The following FAM193A variants were observed in gnomAD, a reference collection of about 807,000 sequenced individuals.
FAM193A encodes protein FAM193A.
In FAM193A, 22 loss-of-function variants were observed where a neutral mutation model predicts 126.5. The ratio of observed to expected loss-of-function variants is 0.17; its 90% confidence interval spans 0.12 to 0.25. FAM193A has a LOEUF of 0.25. FAM193A is among the 10% of genes least tolerant of loss of function. The pLI is 1.00. For missense variants in FAM193A, 1,675 were observed against 1,672.8 expected (o/e 1.00, Z -0.02); for synonymous variants, 761 against 646.8 (o/e 1.18, Z -2.68).
chr4:2,575,148 G>A (rs1017447661), intron 1 of FAM193A, among the ~76,000 whole-genome samples: 1 of 152,142 alleles, frequency 6.6e-6, no homozygotes, highest in Non-Finnish European at 1.5e-5. Context: ...GCTTCAGGGC[G>A]AAGGTGGCCG....
chr4:2,536,056 G>A (rs887496645), upstream of FAM193A, among the ~76,000 whole-genome samples: 1 of 152,040 alleles, frequency 6.6e-6, no homozygotes, highest in African/African-American at 2.4e-5. Flanking sequence ...ACTAGCCCAA[G>A]GTCACCGGGC....
At chr4:2,706,644 C>A (rs1718342196) in intron 19 of FAM193A, among the ~76,000 whole-genome samples, 1 of 151,590 alleles carries the variant, frequency 6.6e-6, no homozygotes, top group African/African-American at 2.4e-5. Context: ...TCTGGAATTT[C>A]TCTTCCTTTC....
chr4:2,705,685 G>A (rs1718223485), intron 19 of FAM193A, among the ~76,000 whole-genome samples: 1 of 151,900 alleles, frequency 6.6e-6, no homozygotes, highest in Non-Finnish European at 1.5e-5. Context: ...GAACTCCTGG[G>A]CTCAAGTGAT....
In FAM193A at chr4:2,549,618, G is replaced by A. The variant is rs1194765539; in HGVS notation, c.255+12448G>A. Among the ~76,000 whole-genome samples the A allele has an allele frequency of 3.0e-3, 450 of 150,458 alleles. 1 individual carries two copies. Among genetic ancestry groups the A allele is most frequent in the African/African-American group, 0.01 (424 of 41,020 alleles). On this transcript the variant is annotated intron_variant, in intron 1 of 20. Coordinates refer to ENST00000637812, the MANE Select transcript of FAM193A (RefSeq NM_001366318.2). ...TCACCGTTTTAGCCAGGATGGTCTC[G>A]ATCTCCTGACCTCGTGATCCGCCCG...
intron 2 of FAM193A, chr4:2,607,893 T>C (rs1393849980): frequency 2.2e-6 from 2 of 905,412 alleles, no homozygotes; most frequent in Non-Finnish European, 3.3e-6. Flanking sequence ...ATTGCCTGTT[T>C]CTTTTTTGTC....
intron 1 of FAM193A, among the ~76,000 whole-genome samples, chr4:2,540,265 C>G (rs980932891): frequency 6.6e-6 from 1 of 151,838 alleles, no homozygotes; most frequent in African/African-American, 2.4e-5. Flanking sequence ...GTCAGGAGAT[C>G]GAGACCATCC....
intron 18 of FAM193A, 67 bp from the exon 19 acceptor site, chr4:2,699,612 GT>G (rs935086291): frequency 6.8e-7 from 1 of 1,476,104 alleles, no homozygotes; most frequent in African/African-American, 1.4e-5. Context: ...AATTATCTTA[GT>G]TTTTCTGTAT....
chr4:2,641,034 T>C (rs546273461), intron 6 of FAM193A, among the ~76,000 whole-genome samples: 1 of 152,046 alleles, frequency 6.6e-6, no homozygotes, highest in South Asian at 2.1e-4. Context: ...ACACCAGTTA[T>C]TGCTATTTTA....
rs189536573 is a variant in FAM193A at position 2,566,140 on chromosome 4, T to C, written c.255+28970T>C. Among the ~76,000 whole-genome samples, 1,303 of 152,100 alleles carry C rather than the reference T, an allele frequency of 8.6e-3. 16 individuals are homozygous for C. Among genetic ancestry groups the C allele is most frequent in the African/African-American group, 0.03 (1,246 of 41,454 alleles). On this transcript the variant is annotated intron_variant, in intron 1 of 20. Transcript: ENST00000637812. ...TTGGCTGACTGCAAGCTCTGCCTTC[T>C]GGGTTCACGCCATTCTGCTGCCTCA...
rs903348619 is a variant in FAM193A at position 2,590,488 on chromosome 4, A to C, written c.256-5596A>C. On this transcript the variant is annotated intron_variant, in intron 1 of 20. Transcript: ENST00000637812. ...CAAAAAAAAAAAACAAAAAAAAACAAAAAAAAACAAAAAAAAACAAAAAAA... is the reference window on the plus strand; with the variant it reads ...CAAAAAAAAAAAACAAAAAAAAACACAAAAAAACAAAAAAAAACAAAAAAA... Among the ~76,000 whole-genome samples the C allele has an allele frequency of 8.6e-3, 648 of 74,926 alleles. 90 individuals carry two copies. Among genetic ancestry groups the C allele is most frequent in the Non-Finnish European group, 0.013 (505 of 40,400 alleles). 49.2% of individuals were successfully genotyped at this position (74,926 alleles called of 152,430 possible). A position where few individuals can be genotyped will look rare whatever the true frequency, so the allele number is the denominator to read the frequency against.
intron 7 of FAM193A, chr4:2,655,152 T>G (rs1451199575): frequency 1.5e-6 from 1 of 689,632 alleles, no homozygotes; most frequent in Non-Finnish European, 2.6e-6. Context: ...CCATGAAGTT[T>G]GATGCTTGCC....
intron 2 of FAM193A, among the ~76,000 whole-genome samples, chr4:2,603,743 C>G (rs147513210): frequency 6.6e-6 from 1 of 151,934 alleles, no homozygotes; most frequent in South Asian, 2.1e-4. Flanking sequence ...AGTCACTGCA[C>G]CCGGCCAATT....
chr4:2,629,915 A>G lies in FAM193A; in HGVS notation c.804-1020A>G, dbSNP rs1022617715. Among the ~76,000 whole-genome samples, 17 of 152,222 alleles carry G rather than the reference A, an allele frequency of 1.1e-4. 1 individual carries two copies. Among genetic ancestry groups the G allele is most frequent in the Admixed American group, 2.6e-4 (4 of 15,278 alleles). On this transcript the variant is annotated intron_variant, in intron 4 of 20. Transcript: ENST00000637812. Reference sequence around the variant, plus strand: ...TGAGAGGCCAAGGCGGGCGGATCACAAGGTCAGGAGATCGGGACCATCCTG... The same window carrying G: ...TGAGAGGCCAAGGCGGGCGGATCACGAGGTCAGGAGATCGGGACCATCCTG...
chr4:2,699,042 C>G (rs1005871451), intron 18 of FAM193A, among the ~76,000 whole-genome samples: 1 of 152,162 alleles, frequency 6.6e-6, no homozygotes, highest in African/African-American at 2.4e-5. Flanking sequence ...GGACCACAGT[C>G]GTGCGCCCTC....
chr4:2,672,430 A>G (rs1713927427), intron 13 of FAM193A, 58 bp downstream of exon 13: 3 of 1,576,288 alleles, frequency 1.9e-6, no homozygotes, highest in Non-Finnish European at 2.6e-6. Context: ...CTACAGGAGT[A>G]CATAGTCAAA....
intron 1 of FAM193A, among the ~76,000 whole-genome samples, chr4:2,571,347 GGCACCACCTTGCCA>G (rs1337759578): frequency 6.6e-6 from 1 of 152,134 alleles, no homozygotes; most frequent in East Asian, 1.9e-4. Flanking sequence ...AGGCAGATGT[GGCACCACCTTGCCA>G]GCAGCTCGGA....
chr4:2,669,806 TCTC>T (rs915062941), intron 12 of FAM193A, among the ~76,000 whole-genome samples: 1 of 152,132 alleles, frequency 6.6e-6, no homozygotes, highest in African/African-American at 2.4e-5. Context: ...AGCAGTCAGT[TCTC>T]CTGGCAGCCT....
intron 19 of FAM193A, chr4:2,715,498 G>A: frequency 1.0e-6 from 1 of 987,846 alleles, no homozygotes; most frequent in Non-Finnish European, 1.2e-6. Flanking sequence ...ATATGGGTGA[G>A]ATGAATGCCT....
At chr4:2,588,898 AT>A (rs1423282264) in intron 1 of FAM193A, among the ~76,000 whole-genome samples, 1 of 152,190 alleles carries the variant, frequency 6.6e-6, no homozygotes, top group Admixed American at 6.5e-5. Flanking sequence ...TACTTTAAAG[AT>A]TGGCAAAGAA....
Sources: gnomAD v4.1 joint callset for allele counts (sites outside exome capture counted in the v4.1 genomes callset) on GRCh38, gnomAD v4.1.1 for gene constraint, MANE v1.5 for transcripts, NCBI Gene and HGNC (gene_info 2026-07-23, HGNC 2026-07-21) for gene names.